Variants in SOX5 observed in about 807,000 individuals in gnomAD.
SOX5 encodes the protein SRY-box transcription factor 5.
A neutral mutation model predicts 92.0 loss-of-function variants in SOX5; 9 were observed. The ratio of observed to expected loss-of-function variants is 0.10; its 90% CI spans 0.06 to 0.17. SOX5 has a LOEUF of 0.17. Ranked by LOEUF, SOX5 falls within the 10% of genes least tolerant of loss-of-function variation. The pLI, the probability that SOX5 is intolerant of heterozygous loss-of-function variation, is 1.00. For missense variants in SOX5, 642 were observed against 944.5 expected, an observed-to-expected ratio of 0.68 and a Z score of 4.20; for synonymous variants, 344 against 336.3, an observed-to-expected ratio of 1.02 and a Z score of -0.25.
intron 6 of SOX5, among the ~76,000 whole-genome samples, chr12:23,695,299 T>C (rs2089619005): frequency 6.6e-6 from 1 of 152,174 alleles, no homozygotes; most frequent in Admixed American, 6.5e-5. Flanking sequence ...TTTTCAAAAA[T>C]GCTTTGAAAT....
chr12:24,375,506 A>G (rs527689568), intron 1 of SOX5, among the ~76,000 whole-genome samples: 160 of 151,512 alleles, frequency 1.1e-3, no homozygotes, highest in African/African-American at 3.7e-3. Flanking sequence ...AGACCGAGGC[A>G]GGTGGATCAC....
At chr12:23,595,415 G>C (rs909753863) in intron 9 of SOX5, among the ~76,000 whole-genome samples, 2 of 152,030 alleles carry the variant, frequency 1.3e-5, no homozygotes, top group African/African-American at 2.4e-5. Context: ...GAGGTCAGAA[G>C]ATTGAGACCA....
chr12:24,423,127 A>C (rs1966183004), intron 1 of SOX5, among the ~76,000 whole-genome samples: 1 of 152,222 alleles, frequency 6.6e-6, no homozygotes, highest in Admixed American at 6.5e-5. Flanking sequence ...CACTCCTATA[A>C]ATAGAAGTAT....
intron 2 of SOX5, among the ~76,000 whole-genome samples, chr12:24,326,791 T>TACACACACACACACACACACACACACAC (rs10527019): frequency 7.4e-5 from 11 of 148,846 alleles, no homozygotes; most frequent in Admixed American, 2.7e-4. Flanking sequence ...TACACACACA[T>TACACACACACACACACACACACACACAC]ACACACACAC....
intron 4 of SOX5, among the ~76,000 whole-genome samples, chr12:24,078,914 T>C (rs1290207129): frequency 6.6e-6 from 1 of 152,054 alleles, no homozygotes; most frequent in Non-Finnish European, 1.5e-5. Flanking sequence ...CATTATAGAA[T>C]TTTTTAATAG....
At chr12:24,356,453 C>T (rs1298448306) in intron 2 of SOX5, among the ~76,000 whole-genome samples, 1 of 152,026 alleles carries the variant, frequency 6.6e-6, no homozygotes, top group Non-Finnish European at 1.5e-5. Flanking sequence ...TCCTCTCTCT[C>T]TCTTTCTCTC....
At chr12:24,190,300 T>C (rs1594095639) in intron 4 of SOX5, among the ~76,000 whole-genome samples, 1 of 152,206 alleles carries the variant, frequency 6.6e-6, no homozygotes, top group Non-Finnish European at 1.5e-5. Context: ...TTTGGACGCA[T>C]ACATATATAT....
chr12:23,694,103 A>T (rs1720860554), intron 6 of SOX5, among the ~76,000 whole-genome samples: 1 of 152,136 alleles, frequency 6.6e-6, no homozygotes, highest in Admixed American at 6.5e-5. Flanking sequence ...TCCCATGATT[A>T]TGTTTGAGAC....
At chr12:24,444,539 G>A (rs1242377077) in intron 1 of SOX5, among the ~76,000 whole-genome samples, 1 of 152,168 alleles carries the variant, frequency 6.6e-6, no homozygotes, top group East Asian at 1.9e-4. Flanking sequence ...TTCAACTGTA[G>A]GAGATGCTGT....
intron 4 of SOX5, among the ~76,000 whole-genome samples, chr12:23,745,408 A>G (rs2141065855): frequency 6.6e-6 from 1 of 152,296 alleles, no homozygotes. Flanking sequence ...AAGTCATATC[A>G]TGTCAGAGTC....
chr12:23,822,771 G>A (rs2096146018), intron 3 of SOX5, among the ~76,000 whole-genome samples: 1 of 152,154 alleles, frequency 6.6e-6, no homozygotes, highest in Non-Finnish European at 1.5e-5. Context: ...AAGTCTCTTT[G>A]TGGGTCTCTA....
chr12:24,496,747 G>A (rs1406887859), intron 1 of SOX5, among the ~76,000 whole-genome samples: 1 of 152,200 alleles, frequency 6.6e-6, no homozygotes, highest in Non-Finnish European at 1.5e-5. Context: ...GCGTATTAAT[G>A]AGAATAAAAG....
chr12:23,653,491 A>G (rs1215015021), intron 7 of SOX5, among the ~76,000 whole-genome samples: 1 of 152,072 alleles, frequency 6.6e-6, no homozygotes, highest in Admixed American at 6.6e-5. Context: ...TCTGTATATT[A>G]CCACTGCTTA....
At chr12:24,085,908 G>GGTAAGATAAACATCATAAGTT in intron 4 of SOX5, among the ~76,000 whole-genome samples, 1 of 149,774 alleles carries the variant, frequency 6.7e-6, no homozygotes. Context: ...AATCCCCACA[G>GGTAAGATAAACATCATAAGTT]GTAAGATAAA....
chr12:24,092,752 C>A (rs946589818), intron 4 of SOX5, among the ~76,000 whole-genome samples: 2 of 152,192 alleles, frequency 1.3e-5, no homozygotes, highest in African/African-American at 4.8e-5. Flanking sequence ...TCCTTTCATT[C>A]CTATATAAAT....
chr12:23,578,143 A>AAAAAAAAAAAAAAAAAAAAAAC (rs1321080744), intron 9 of SOX5, among the ~76,000 whole-genome samples: 1 of 126,114 alleles, frequency 7.9e-6, no homozygotes, highest in Non-Finnish European at 1.7e-5. Context: ...AAAAAAAAAA[A>AAAAAAAAAAAAAAAAAAAAAAC]AAAAAAACTA....
chr12:23,593,347 A>G (rs1592370535), intron 9 of SOX5, among the ~76,000 whole-genome samples: 4 of 152,310 alleles, frequency 2.6e-5, no homozygotes, highest in Admixed American at 2.6e-4. Flanking sequence ...TTTAAAAACC[A>G]TAATTAAGAA....
chr12:24,051,844 T>C (rs1957590119), intron 4 of SOX5, among the ~76,000 whole-genome samples: 1 of 152,236 alleles, frequency 6.6e-6, no homozygotes, highest in Non-Finnish European at 1.5e-5. Flanking sequence ...ATGTTTACTG[T>C]CTCTTCTTAG....
At chr12:24,298,571 A>C (rs766001108) in intron 2 of SOX5, among the ~76,000 whole-genome samples, 4 of 152,188 alleles carry the variant, frequency 2.6e-5, no homozygotes, top group Non-Finnish European at 5.9e-5. Context: ...CAAATACTAT[A>C]TTATGTAGTA....
Sources: gnomAD v4.1 joint callset for allele counts (sites outside exome capture counted in the v4.1 genomes callset) on GRCh38, gnomAD v4.1.1 for gene constraint, MANE v1.5 for transcripts, NCBI Gene and HGNC (gene_info 2026-07-23, HGNC 2026-07-21) for gene names.